Variants in TMTC2 observed in about 807,000 individuals in gnomAD.
TMTC2 encodes transmembrane O-mannosyltransferase targeting cadherins 2.
TMTC2 carries 43 observed loss-of-function variants against 82.4 expected under a neutral mutation model. The observed-to-expected ratio is 0.52, with a 90% CI of 0.41 to 0.67. TMTC2 has a LOEUF of 0.67. Among genes scored for constraint, TMTC2 ranks in the 30% least tolerant of loss-of-function variants. The pLI, the probability that TMTC2 is intolerant of heterozygous loss-of-function variation, is 0.00. For synonymous variants in TMTC2, 408 were observed against 381.9 expected (o/e 1.07, Z -0.80); for missense variants, 919 against 1,012.4 (o/e 0.91, Z 1.25).
chr12:82,889,267 CA>C (rs1273833107), intron 2 of TMTC2, among the ~76,000 whole-genome samples: 146 of 87,296 alleles, frequency 1.7e-3, no homozygotes, highest in South Asian at 0.016. Flanking sequence ...ACAGAGTCTC[CA>C]AAAAAAAAAA....
At chr12:82,783,230 AG>A (rs1322668043) in intron 1 of TMTC2, among the ~76,000 whole-genome samples, 1 of 148,730 alleles carries the variant, frequency 6.7e-6, no homozygotes, top group Non-Finnish European at 1.5e-5. Context: ...ATTTTTGTGT[AG>A]GTGCTGGGTA....
In TMTC2 at chr12:83,088,793, G is replaced by A. The variant is rs71450921; in HGVS notation, c.2331+26962G>A. ...TTTGAAATGGCAAGACTTCTCTTCCGGGTTGAGCAGGTATATACACACCTG... is the reference window on the plus strand; with the variant it reads ...TTTGAAATGGCAAGACTTCTCTTCCAGGTTGAGCAGGTATATACACACCTG... On this transcript the variant is annotated intron_variant, in intron 11 of 11. Coordinates refer to ENST00000321196, the MANE Select transcript of TMTC2 (RefSeq NM_152588.3). Among the ~76,000 whole-genome samples, 466 of 152,234 alleles carry A rather than the reference G, an allele frequency of 3.1e-3. 3 individuals carry two copies. Among genetic ancestry groups the A allele is most frequent in the Non-Finnish European group, 4.6e-3 (316 of 68,020 alleles).
At chr12:83,043,990 A>T (rs1395784576) in intron 9 of TMTC2, among the ~76,000 whole-genome samples, 1 of 152,166 alleles carries the variant, frequency 6.6e-6, no homozygotes, top group Non-Finnish European at 1.5e-5. Flanking sequence ...TCCAAGGGAA[A>T]TTCAGAGTCC....
chr12:82,797,923 A>G (rs987907781), intron 1 of TMTC2, among the ~76,000 whole-genome samples: 1 of 150,018 alleles, frequency 6.7e-6, no homozygotes, highest in Non-Finnish European at 1.5e-5. Context: ...AATTTTTAAT[A>G]TAACCACCCT....
chr12:82,784,674 A>C (rs544488593), intron 1 of TMTC2, among the ~76,000 whole-genome samples: 2 of 152,106 alleles, frequency 1.3e-5, no homozygotes, highest in Non-Finnish European at 2.9e-5. Flanking sequence ...TTCCGTCTTG[A>C]AGTCTGAAAG....
At chr12:82,942,925 A>G (rs1483318713) in intron 4 of TMTC2, among the ~76,000 whole-genome samples, 1 of 152,224 alleles carries the variant, frequency 6.6e-6, no homozygotes, top group Non-Finnish European at 1.5e-5. Context: ...TATTAGTTAA[A>G]ATTATAAATT....
At chr12:82,833,312 C>G (rs1869849911) in intron 1 of TMTC2, among the ~76,000 whole-genome samples, 1 of 152,126 alleles carries the variant, frequency 6.6e-6, no homozygotes, top group African/African-American at 2.4e-5. Flanking sequence ...CAGTATGAAG[C>G]TTGATCAAGT....
At chr12:82,858,083 C>T (rs1487245111) in intron 2 of TMTC2, among the ~76,000 whole-genome samples, 2 of 152,168 alleles carry the variant, frequency 1.3e-5, no homozygotes, top group Non-Finnish European at 2.9e-5. Context: ...ATCATACTCA[C>T]CTTTTTCTCG....
intron 11 of TMTC2, among the ~76,000 whole-genome samples, chr12:83,068,556 CA>C (rs770017378): frequency 6.6e-6 from 1 of 152,064 alleles, no homozygotes; most frequent in African/African-American, 2.4e-5. Flanking sequence ...TACTACATAC[CA>C]TATGTCTCCT....
intron 1 of TMTC2, among the ~76,000 whole-genome samples, chr12:82,727,000 T>C (rs1424910793): frequency 1.3e-5 from 2 of 152,054 alleles, no homozygotes; most frequent in Admixed American, 6.5e-5. Flanking sequence ...AAAGCCCCTT[T>C]TCTTTCCTGA....
At chr12:82,703,012 AAAAT>A (rs112687074) in intron 1 of TMTC2, among the ~76,000 whole-genome samples, 332 of 151,566 alleles carry the variant, frequency 2.2e-3, no homozygotes, top group African/African-American at 7.7e-3. Context: ...ATTCTGTCTC[AAAAT>A]AAATAAATAA....
rs1295314623 is a variant in TMTC2, at chr12:82,901,233, A to T, written c.1483+4587A>T. On this transcript the variant is annotated intron_variant, in intron 3 of 11. Coordinates refer to ENST00000321196, the MANE Select transcript of TMTC2 (RefSeq NM_152588.3). ...ATATATAGGAATATATATACCTGGA[A>T]TATATATATAGGAATATATATATAT... Among the ~76,000 whole-genome samples, 6 of 137,158 alleles carry T rather than the reference A, an allele frequency of 4.4e-5. No individual in the cohort carries two copies. In the Admixed American group the frequency reaches 4.6e-4, roughly 11 times the overall value. The allele number at this position is 137,158 out of a possible 152,430, so 90.0% of individuals were successfully genotyped here.
intron 8 of TMTC2, among the ~76,000 whole-genome samples, chr12:83,006,114 G>GT (rs1231404177): frequency 1.3e-5 from 2 of 152,168 alleles, no homozygotes; most frequent in African/African-American, 4.8e-5. Flanking sequence ...TCCATGGTAA[G>GT]TGTGGGTTTC....
intron 3 of TMTC2, among the ~76,000 whole-genome samples, chr12:82,916,636 G>A (rs1462817542): frequency 2.6e-5 from 4 of 152,122 alleles, no homozygotes; most frequent in Non-Finnish European, 5.9e-5. Context: ...AAAACAAAAC[G>A]AACATGGGTG....
chr12:82,955,800 G>A (rs1877581314), intron 4 of TMTC2, among the ~76,000 whole-genome samples: 1 of 151,876 alleles, frequency 6.6e-6, no homozygotes, highest in African/African-American at 2.4e-5. Flanking sequence ...TGTTCTAAAA[G>A]ATAAATCATT....
chr12:82,962,702 G>A (rs973100073), intron 4 of TMTC2, among the ~76,000 whole-genome samples: 1 of 151,938 alleles, frequency 6.6e-6, no homozygotes, highest in Non-Finnish European at 1.5e-5. Context: ...TTTGAAAGCA[G>A]ATCTGGATGT....
intron 1 of TMTC2, among the ~76,000 whole-genome samples, chr12:82,754,501 G>T (rs571042031): frequency 2.6e-5 from 4 of 152,230 alleles, no homozygotes; most frequent in Admixed American, 2.6e-4. Context: ...TTGGTAGGCC[G>T]AGGCGGGTGG....
At chr12:82,721,796 G>T (rs1433903006) in intron 1 of TMTC2, among the ~76,000 whole-genome samples, 3 of 152,170 alleles carry the variant, frequency 2.0e-5, no homozygotes, top group African/African-American at 7.2e-5. Context: ...TATTTACGTA[G>T]CATGTAACCT....
chr12:83,107,286 A>G (rs777501244), intron 11 of TMTC2, among the ~76,000 whole-genome samples: 2 of 152,226 alleles, frequency 1.3e-5, no homozygotes, highest in Non-Finnish European at 2.9e-5. Context: ...ATTACAGGAT[A>G]CCACAACCTG....
Sources: allele counts gnomAD v4.1 joint callset (sites outside exome capture counted in the v4.1 genomes callset), GRCh38; gene constraint gnomAD v4.1.1; transcripts MANE v1.5; gene names NCBI Gene and HGNC (gene_info 2026-07-23, HGNC 2026-07-21).